Variants in PRTG observed in about 807,000 individuals in gnomAD.
PRTG encodes protogenin, also known as immunoglobulin superfamily, DCC subclass, member 5.
PRTG carries 67 observed loss-of-function variants against 122.5 expected under a neutral mutation model. The ratio of observed to expected loss-of-function variants is 0.55; its 90% confidence interval spans 0.45 to 0.67. The LOEUF is 0.67. Ranked by LOEUF, PRTG falls within the 30% of genes least tolerant of loss-of-function variation. PRTG has a pLI of 0.00. For synonymous variants in PRTG, 554 were observed against 501.1 expected (o/e 1.11, Z -1.41); for missense variants, 1,435 against 1,415.4 (o/e 1.01, Z -0.22).
At chr15:55,686,733 A>G (rs2059572657) in intron 2 of PRTG, among the ~76,000 whole-genome samples, 1 of 152,146 alleles carries the variant, frequency 6.6e-6, no homozygotes, top group Admixed American at 6.6e-5. Context: ...ACCACTTACA[A>G]TGATGTTTCA....
chr15:55,636,617 C>T (rs553366549), intron 15 of PRTG, among the ~76,000 whole-genome samples: 12 of 152,182 alleles, frequency 7.9e-5, no homozygotes, highest in African/African-American at 2.9e-4. Flanking sequence ...ATTTGCATTA[C>T]TCTAATCTCC....
chr15:55,724,548 T>C (rs12442165), intron 2 of PRTG, among the ~76,000 whole-genome samples: 54,666 of 151,784 alleles, frequency 0.36, 12,690 homozygotes, highest in Non-Finnish European at 0.52. Context: ...GCCAGGAGTT[T>C]GAGACCAGCC....
chr15:55,664,619 C>T (rs761134717), intron 11 of PRTG, among the ~76,000 whole-genome samples: 1 of 151,968 alleles, frequency 6.6e-6, no homozygotes, highest in Non-Finnish European at 1.5e-5. Context: ...GTCTCACAGG[C>T]CCTACTTCAC....
intron 11 of PRTG, among the ~76,000 whole-genome samples, chr15:55,654,342 T>C (rs921338639): frequency 7.2e-5 from 11 of 152,200 alleles, no homozygotes; most frequent in Non-Finnish European, 1.2e-4. Context: ...ATGAACCATA[T>C]TATTAAGGCT....
At chr15:55,632,243 T>G (rs575055700) in intron 15 of PRTG, among the ~76,000 whole-genome samples, 4 of 152,366 alleles carry the variant, frequency 2.6e-5, no homozygotes, top group Non-Finnish European at 4.4e-5. Flanking sequence ...GCTTCTGTTT[T>G]TTCTGATGCC....
At position 55,637,066 on chromosome 15, in the gene PRTG, A is replaced by G. The variant is rs140390243; in HGVS notation, c.2623+104T>C. On this transcript the variant is annotated intron_variant, in intron 15 of 19. Coordinates refer to ENST00000389286, the MANE Select transcript of PRTG (RefSeq NM_173814.6). ...GCCAAAATCTTTTATTACTTCATAC[A>G]TAAAAATGTAAATTCAAAATAAACT... 29 of 1,036,900 alleles carry G rather than the reference A, an allele frequency of 2.8e-5. No individual in the cohort carries two copies. The African/African-American group carries it at 3.9e-4, about 14-fold the overall frequency. 64.2% of individuals were successfully genotyped at this position (1,036,900 alleles called of 1,614,324 possible).
Position 55,613,329 on chromosome 15 carries a change from C to T in PRTG, c.*6683G>A, listed in dbSNP as rs1467784702. The T allele has an allele frequency of 1.3e-5, 2 of 152,114 alleles. No homozygotes were observed. The highest frequency in any genetic ancestry group is 4.8e-5 in the African/African-American group (2 of 41,430). 9.4% of individuals were successfully genotyped at this position (152,114 alleles called of 1,614,324 possible). A position where few individuals can be genotyped will look rare whatever the true frequency, so the allele number is the denominator to read the frequency against. ...TAACAAGAAAGGATTACTGTTTACA[C>T]ACCTGACTTTTTCAAGTCAATGAAT... On this transcript the variant is annotated 3_prime_UTR_variant, in exon 20 of 20. Transcript: ENST00000389286.
rs80284137 is a variant in PRTG, at chr15:55,672,079, C to T, written c.2041+366G>A. On this transcript the variant is annotated intron_variant, in intron 11 of 19. Transcript: ENST00000389286. ...ACTCTCAGGCACATTTTAAGTGAAACTTAACCACTGAGTATGATTTGGTGA... is the reference window on the plus strand; with the variant it reads ...ACTCTCAGGCACATTTTAAGTGAAATTTAACCACTGAGTATGATTTGGTGA... Among the ~76,000 whole-genome samples, 819 of 152,262 alleles carry T rather than the reference C, an allele frequency of 5.4e-3. 10 individuals carry two copies. The highest frequency in any genetic ancestry group is 0.019 in the African/African-American group (788 of 41,544).
At position 55,743,123 on chromosome 15, in the gene PRTG, G is replaced by C. The variant is rs11632762; in HGVS notation, c.-192C>G. The C allele has an allele frequency of 7.9e-7, 1 of 1,270,914 alleles. No individual in the cohort carries two copies. Among genetic ancestry groups the C allele is most frequent in the African/African-American group, 1.6e-5 (1 of 63,810 alleles). 78.7% of individuals were successfully genotyped at this position (1,270,914 alleles called of 1,614,324 possible). ...TCGGACGGCCGCTCGCGAGAAGCAA[G>C]GGGCCTGAGAGTCCGGCTGGGGGCG... On this transcript the variant is annotated 5_prime_UTR_variant, in exon 1 of 20. Transcript: ENST00000389286.
Position 55,718,631 on chromosome 15 carries a change from A to AC in PRTG, c.397+21750_397+21751insG, listed in dbSNP as rs66919896. The stretch of plus-strand genomic sequence containing the variant: ...CTTGTTGCTCACAAAAAACAAACAA[A>AC]AAAAAAAACACTTTGTAAAAATCAT... On this transcript the variant is annotated intron_variant, in intron 2 of 19. Transcript: ENST00000389286. 9.9e-3 allele frequency among the ~76,000 whole-genome samples: 1,503 copies of AC among 152,096 alleles called. 12 individuals carry two copies. The highest frequency in any genetic ancestry group is 0.014 in the Middle Eastern group (4 of 294).
chr15:55,623,290 G>A (rs2059176679), intron 18 of PRTG, among the ~76,000 whole-genome samples: 1 of 151,982 alleles, frequency 6.6e-6, no homozygotes, highest in African/African-American at 2.4e-5. Flanking sequence ...AAAAACAGCT[G>A]GGCACGGTGG....
At chr15:55,679,141 T>C (rs1029398538) in intron 7 of PRTG, 145 bp downstream of exon 7, 11 of 570,430 alleles carry the variant, frequency 1.9e-5, no homozygotes, top group African/African-American at 1.9e-4. Flanking sequence ...GATAATGTTA[T>C]AAGTCTTAAT....
At chr15:55,723,078 A>C (rs768137388) in intron 2 of PRTG, among the ~76,000 whole-genome samples, 14 of 152,314 alleles carry the variant, frequency 9.2e-5, no homozygotes, top group Admixed American at 3.9e-4. Flanking sequence ...TTTTACTACC[A>C]ATGTGGTGCA....
chr15:55,651,148 GTA>G (rs1337861331), intron 11 of PRTG, among the ~76,000 whole-genome samples: 1 of 152,062 alleles, frequency 6.6e-6, no homozygotes, highest in Non-Finnish European at 1.5e-5. Flanking sequence ...AATAGTAAGA[GTA>G]TGTGTAAAAG....
Position 55,742,904 on chromosome 15 carries a change from G to A in PRTG, c.28C>T (p.Arg10Trp), listed in dbSNP as rs564412875. The part of the protein sequence containing the change: MAPPLRPLA[R>W]LRPPGMLLRA... ...AGCAGCATCCCCGGCGGTCGCAGCC[G>A]GGCGAGGGGTCGCAGAGGAGGCGCC... Residue 10 changes from arginine (R) to tryptophan (W), a missense_variant, in exon 1 of 20, where the codon CGG becomes TGG. Coordinates refer to ENST00000389286, the MANE Select transcript of PRTG (RefSeq NM_173814.6). The A allele has an allele frequency of 1.5e-5, 23 of 1,529,072 alleles. No individual in the cohort carries two copies. The Admixed American group carries it at 1.8e-4, about 12-fold the overall frequency. The allele number at this position is 1,529,072 out of a possible 1,614,324, so 94.7% of individuals were successfully genotyped here.
At chr15:55,655,369 T>G (rs2059374043) in intron 11 of PRTG, 1 of 152,160 alleles carries the variant, frequency 6.6e-6, no homozygotes, top group Non-Finnish European at 1.5e-5. Flanking sequence ...ACACAGAACC[T>G]CAAACAAATT....
chr15:55,620,851 T>C, intron 18 of PRTG, 84 bp from the exon 19 acceptor site: 3 of 1,113,178 alleles, frequency 2.7e-6, no homozygotes, highest in Non-Finnish European at 3.9e-6. Flanking sequence ...CTTTAACTTT[T>C]ACTATATGCT....
chr15:55,625,963 G>A (rs1235521653), intron 17 of PRTG, among the ~76,000 whole-genome samples: 1 of 151,956 alleles, frequency 6.6e-6, no homozygotes, highest in Non-Finnish European at 1.5e-5. Flanking sequence ...ATGTTGCTTA[G>A]GCTGGTCTGA....
In PRTG at chr15:55,742,938, T is replaced by C. The variant is rs1349367799; in HGVS notation, c.-7A>G. 5 of 1,513,986 alleles carry C rather than the reference T, an allele frequency of 3.3e-6. No individual in the cohort carries two copies. The highest frequency in any genetic ancestry group is 1.4e-5 in the African/African-American group (1 of 69,070). The allele number at this position is 1,513,986 out of a possible 1,614,324, so 93.8% of individuals were successfully genotyped here. ...GTCGCAGAGGAGGCGCCATTCAGCG[T>C]AGCCGCGCGGGCATGCTCCCCGGCC... On this transcript the variant is annotated 5_prime_UTR_variant, in exon 1 of 20. Transcript: ENST00000389286.
Sources: allele counts gnomAD v4.1 joint callset (sites outside exome capture counted in the v4.1 genomes callset), GRCh38; gene constraint gnomAD v4.1.1; transcripts MANE v1.5; gene names NCBI Gene and HGNC (gene_info 2026-07-23, HGNC 2026-07-21).